SLC4A5: variants seen among roughly 807,000 people sequenced by gnomAD.
SLC4A5 encodes the protein solute carrier family 4 member 5, also known as electrogenic sodium bicarbonate cotransporter 4.
Under a neutral mutation model 120.4 loss-of-function variants are expected in SLC4A5, and 96 were observed. The observed-to-expected ratio is 0.80, with a 90% CI of 0.68 to 0.94. The LOEUF (loss-of-function observed/expected upper bound fraction) is 0.94, where lower values mean the gene tolerates loss of function less well. Among genes scored for constraint, SLC4A5 ranks in the 40% least tolerant of loss-of-function variants. The pLI is 0.00. For synonymous variants in SLC4A5, 550 were observed against 571.1 expected (o/e 0.96, Z 0.53); for missense variants, 1,259 against 1,459.5 (o/e 0.86, Z 2.24).
intron 7 of SLC4A5, among the ~76,000 whole-genome samples, chr2:74,289,505 C>T (rs1163956180): frequency 1.3e-5 from 2 of 151,972 alleles, no homozygotes; most frequent in East Asian, 1.9e-4. Context: ...TCTGTAGAGA[C>T]GAGGTTTCAC....
chr2:74,295,502 C>T (rs1470861784), intron 7 of SLC4A5, among the ~76,000 whole-genome samples: 4 of 151,802 alleles, frequency 2.6e-5, no homozygotes, highest in African/African-American at 7.3e-5. Flanking sequence ...GGTGTGGTGG[C>T]GGGTGCCTGT....
At chr2:74,271,138 G>A (rs1157771350) in intron 8 of SLC4A5, among the ~76,000 whole-genome samples, 1 of 152,096 alleles carries the variant, frequency 6.6e-6, no homozygotes, top group Non-Finnish European at 1.5e-5. Flanking sequence ...TAAGCTCCTA[G>A]GTGTGCTCAT....
intron 9 of SLC4A5, among the ~76,000 whole-genome samples, chr2:74,264,637 T>C (rs1484790586): frequency 6.6e-6 from 1 of 152,134 alleles, no homozygotes; most frequent in Non-Finnish European, 1.5e-5. Context: ...GAACTCTTTT[T>C]AGAAAAGTAT....
intron 4 of SLC4A5, among the ~76,000 whole-genome samples, chr2:74,328,958 C>A (rs951309533): frequency 1.3e-5 from 2 of 151,872 alleles, no homozygotes; most frequent in Non-Finnish European, 2.9e-5. Context: ...CAGGTGACAC[C>A]AAAAGCTAGA....
intron 6 of SLC4A5, among the ~76,000 whole-genome samples, chr2:74,313,508 T>C (rs1362693128): frequency 6.6e-6 from 1 of 152,208 alleles, no homozygotes; most frequent in Non-Finnish European, 1.5e-5. Context: ...TGTCCAAATC[T>C]GTCTAAAGTC....
At chr2:74,326,075 C>T (rs189642544) in intron 5 of SLC4A5, among the ~76,000 whole-genome samples, 2 of 152,128 alleles carry the variant, frequency 1.3e-5, no homozygotes, top group East Asian at 1.9e-4. Context: ...GGCTGAACTC[C>T]GGTCCACAAG....
intron 18 of SLC4A5, among the ~76,000 whole-genome samples, chr2:74,247,789 G>C (rs937028795): frequency 6.6e-6 from 1 of 152,056 alleles, no homozygotes; most frequent in African/African-American, 2.4e-5. Flanking sequence ...TGCTGGGATT[G>C]CAGGTGTGAG....
chr2:74,253,560 C>T (rs1262253028), intron 14 of SLC4A5, among the ~76,000 whole-genome samples: 2 of 152,072 alleles, frequency 1.3e-5, no homozygotes, highest in East Asian at 3.9e-4. Context: ...TTCTGACTTA[C>T]AGATTCGATG....
intron 12 of SLC4A5, among the ~76,000 whole-genome samples, chr2:74,259,284 T>C (rs1671062782): frequency 6.6e-6 from 1 of 152,198 alleles, no homozygotes. Context: ...TGAAGCCATG[T>C]GTGCTGGTCT....
intron 7 of SLC4A5, chr2:74,290,613 ACAGAGAAGT>A (rs368483267): frequency 4.1e-6 from 4 of 971,662 alleles, no homozygotes; most frequent in Middle Eastern, 5.2e-4. Flanking sequence ...AGAGAGAGAG[ACAGAGAAGT>A]GAGAGAGAGA....
chr2:74,323,854 T>C (rs574737173), intron 5 of SLC4A5, among the ~76,000 whole-genome samples: 1 of 152,224 alleles, frequency 6.6e-6, no homozygotes, highest in Non-Finnish European at 1.5e-5. Flanking sequence ...TGTAAGTGGC[T>C]AATATCTAAC....
chr2:74,288,288 C>A (rs1036129335), intron 7 of SLC4A5, among the ~76,000 whole-genome samples: 13 of 152,226 alleles, frequency 8.5e-5, no homozygotes, highest in African/African-American at 3.1e-4. Context: ...TTGCCACAGT[C>A]CCCACTACTT....
intron 29 of SLC4A5, among the ~76,000 whole-genome samples, chr2:74,221,741 G>T (rs1015453728): frequency 6.6e-6 from 1 of 152,096 alleles, no homozygotes; most frequent in Non-Finnish European, 1.5e-5. Flanking sequence ...AAATAGGAGT[G>T]GGGGAGGAGT....
chr2:74,244,288 A>T (rs1670536909), intron 19 of SLC4A5, among the ~76,000 whole-genome samples: 1 of 152,302 alleles, frequency 6.6e-6, no homozygotes, highest in South Asian at 2.1e-4. Flanking sequence ...AATGGTTCTC[A>T]AACTTAAGAG....
chr2:74,275,908 A>G (rs914331373), intron 8 of SLC4A5, among the ~76,000 whole-genome samples: 1 of 152,164 alleles, frequency 6.6e-6, no homozygotes, highest in Non-Finnish European at 1.5e-5. Context: ...GTTTGAAGGC[A>G]TGTCTTTAGA....
rs557503275 is a variant in SLC4A5 at position 74,272,824 on chromosome 2, G to A, written c.402-7560C>T. ...CAAGAGCAGGAGAAAGCATCATGGC[G>A]CTAGCTACCAGGTACAGTCAAGGCT... On this transcript the variant is annotated intron_variant, in intron 8 of 30. Coordinates refer to ENST00000394019, the Ensembl canonical transcript of SLC4A5. Among the ~76,000 whole-genome samples the A allele has an allele frequency of 3.6e-4, 55 of 152,312 alleles. 1 individual carries two copies. In the South Asian group the frequency reaches 8.3e-3, roughly 23 times the overall value.
chr2:74,338,505 T>G (rs1405045793), intron 3 of SLC4A5, among the ~76,000 whole-genome samples: 1 of 152,224 alleles, frequency 6.6e-6, no homozygotes, highest in Non-Finnish European at 1.5e-5. Context: ...CCAGTTTGGC[T>G]GTATTTATAT....
chr2:74,317,770 T>C (rs753188425), intron 5 of SLC4A5, among the ~76,000 whole-genome samples: 20 of 152,232 alleles, frequency 1.3e-4, no homozygotes, highest in Non-Finnish European at 2.4e-4. Flanking sequence ...AGGCAGGACA[T>C]TGGAGAACTT....
At chr2:74,262,664 A>C (rs930670441) in intron 10 of SLC4A5, among the ~76,000 whole-genome samples, 1 of 151,272 alleles carries the variant, frequency 6.6e-6, no homozygotes, top group African/African-American at 2.4e-5. Flanking sequence ...GCGCCATTGC[A>C]CTCCAGCCTG....
Sources: gnomAD v4.1 joint callset for allele counts (sites outside exome capture counted in the v4.1 genomes callset) on GRCh38, gnomAD v4.1.1 for gene constraint, MANE v1.5 for transcripts, NCBI Gene and HGNC (gene_info 2026-07-23, HGNC 2026-07-21) for gene names.